The following ENOX1 variants were observed in gnomAD, a reference collection of about 807,000 sequenced individuals.
ENOX1 encodes the protein ecto-NOX disulfide-thiol exchanger 1.
A neutral mutation model predicts 82.5 loss-of-function variants in ENOX1; 42 were observed. The ratio of observed to expected loss-of-function variants is 0.51; its 90% CI spans 0.40 to 0.66. The LOEUF is 0.66. Among genes scored for constraint, ENOX1 ranks in the 30% least tolerant of loss-of-function variants. The probability of loss-of-function intolerance (pLI) is 0.00; values close to 1 mark genes in which losing one functional copy is unlikely to be tolerated. For missense variants in ENOX1, 608 were observed against 811.6 expected, an observed-to-expected ratio of 0.75 and a Z score of 3.05; for synonymous variants, 271 against 282.2, an observed-to-expected ratio of 0.96 and a Z score of 0.40.
intron 5 of ENOX1, among the ~76,000 whole-genome samples, chr13:43,382,216 C>T (rs1323151): frequency 0.95 from 145,331 of 152,184 alleles, 69,759 homozygotes; most frequent in East Asian, 1. Context: ...AAGTAATTCA[C>T]GTAATTTACC....
intron 2 of ENOX1, among the ~76,000 whole-genome samples, chr13:43,598,487 C>T (rs777763281): frequency 7.9e-5 from 12 of 152,252 alleles, no homozygotes; most frequent in East Asian, 5.8e-4. Flanking sequence ...GTTTAGAAAG[C>T]GTGGCCATTT....
chr13:43,569,017 T>A (rs1329289), intron 2 of ENOX1, among the ~76,000 whole-genome samples: 147,939 of 152,222 alleles, frequency 0.97, 72,028 homozygotes, highest in Non-Finnish European at 1. Flanking sequence ...GTTTGTTGAA[T>A]CTTTGGTTTT....
intron 11 of ENOX1, among the ~76,000 whole-genome samples, chr13:43,300,214 C>T (rs932445194): frequency 9.9e-5 from 15 of 152,018 alleles, no homozygotes; most frequent in African/African-American, 3.6e-4. Context: ...CATCTCAGAC[C>T]ACAAAAAGAG....
chr13:43,392,421 G>A (rs1421989613), intron 5 of ENOX1, among the ~76,000 whole-genome samples: 3 of 152,226 alleles, frequency 2.0e-5, no homozygotes, highest in African/African-American at 2.4e-5. Context: ...GCTCACGCCT[G>A]TAATCCCAGC....
chr13:43,686,932 C>T (rs944750689), intron 1 of ENOX1, among the ~76,000 whole-genome samples: 2 of 152,192 alleles, frequency 1.3e-5, no homozygotes, highest in African/African-American at 4.8e-5. Context: ...CAATGAAAAA[C>T]TACTCATGCA....
At chr13:43,433,173 G>A (rs956658044) in intron 3 of ENOX1, among the ~76,000 whole-genome samples, 4 of 152,120 alleles carry the variant, frequency 2.6e-5, no homozygotes, top group African/African-American at 9.7e-5. Context: ...TGGTGAGGCC[G>A]TTTCATGCTG....
chr13:43,528,825 A>AT (rs890629680), intron 2 of ENOX1, among the ~76,000 whole-genome samples: 1 of 151,996 alleles, frequency 6.6e-6, no homozygotes, highest in Non-Finnish European at 1.5e-5. Context: ...TCTTAGGTAG[A>AT]TTTTTTAATA....
intron 2 of ENOX1, among the ~76,000 whole-genome samples, chr13:43,537,574 C>G (rs1205385188): frequency 2.0e-5 from 3 of 152,180 alleles, no homozygotes; most frequent in East Asian, 3.9e-4. Context: ...GCGATAATAG[C>G]TACTTTATTT....
intron 12 of ENOX1, among the ~76,000 whole-genome samples, chr13:43,290,969 G>T (rs2153501392): frequency 6.6e-6 from 1 of 152,286 alleles, no homozygotes; most frequent in Non-Finnish European, 1.5e-5. Context: ...GGAGGTTGCA[G>T]TGAGCTGAGA....
At chr13:43,714,640 G>T (rs1219358682) in intron 1 of ENOX1, among the ~76,000 whole-genome samples, 1 of 152,156 alleles carries the variant, frequency 6.6e-6, no homozygotes, top group African/African-American at 2.4e-5. Flanking sequence ...AGCTCTTCTT[G>T]TTGAATTGAT....
intron 1 of ENOX1, among the ~76,000 whole-genome samples, chr13:43,684,095 CAAAAAAAAAAA>C (rs55919280): frequency 1.9e-5 from 2 of 106,472 alleles, no homozygotes; most frequent in African/African-American, 7.7e-5. Context: ...GACTCTGTCT[CAAAAAAAAAAA>C]AAAAAAATGT....
At chr13:43,311,363 GTTT>G (rs35451999) in intron 11 of ENOX1, among the ~76,000 whole-genome samples, 1,768 of 150,906 alleles carry the variant, frequency 0.012, 31 homozygotes, top group African/African-American at 0.04. Context: ...AGGTAATAGG[GTTT>G]TTTTTTTTTC....
At chr13:43,324,471 A>G (rs1006254726) in intron 10 of ENOX1, among the ~76,000 whole-genome samples, 16 of 152,198 alleles carry the variant, frequency 1.1e-4, no homozygotes, top group African/African-American at 3.9e-4. Flanking sequence ...GATGCTGTAC[A>G]TGGGAATGTG....
intron 1 of ENOX1, among the ~76,000 whole-genome samples, chr13:43,744,944 C>A (rs1050188871): frequency 3.3e-5 from 5 of 152,270 alleles, no homozygotes; most frequent in Admixed American, 1.3e-4. Context: ...TTCCAGAAGG[C>A]AGTGTTTGTA....
At chr13:43,302,425 C>T (rs536999395) in intron 11 of ENOX1, among the ~76,000 whole-genome samples, 1 of 152,224 alleles carries the variant, frequency 6.6e-6, no homozygotes, top group East Asian at 1.9e-4. Flanking sequence ...TTAAGGCCAG[C>T]ACAGTCACCC....
At chr13:43,394,531 C>T (rs892011808) in intron 5 of ENOX1, 1 of 152,216 alleles carries the variant, frequency 6.6e-6, no homozygotes, top group African/African-American at 2.4e-5. Flanking sequence ...GCAGCCATGG[C>T]TCTGCATTAC....
At chr13:43,303,323 G>A (rs1237363842) in intron 11 of ENOX1, among the ~76,000 whole-genome samples, 5 of 152,218 alleles carry the variant, frequency 3.3e-5, no homozygotes, top group African/African-American at 9.6e-5. Context: ...ATGGCCCAGT[G>A]ACAGGGACTC....
chr13:43,696,978 A>G (rs545777017), intron 1 of ENOX1, among the ~76,000 whole-genome samples: 6 of 152,164 alleles, frequency 3.9e-5, no homozygotes, highest in Non-Finnish European at 8.8e-5. Flanking sequence ...AGTGAAACAT[A>G]CAAATGAGGA....
intron 5 of ENOX1, among the ~76,000 whole-genome samples, chr13:43,401,608 C>T (rs910505100): frequency 2.6e-5 from 4 of 152,100 alleles, no homozygotes; most frequent in African/African-American, 9.7e-5. Context: ...GAGTCTGTGG[C>T]TGCATGTTGA....
Sources: gnomAD v4.1 joint callset for allele counts (sites outside exome capture counted in the v4.1 genomes callset) on GRCh38, gnomAD v4.1.1 for gene constraint, MANE v1.5 for transcripts, NCBI Gene and HGNC (gene_info 2026-07-23, HGNC 2026-07-21) for gene names.